PRRC2C: variants seen among roughly 807,000 people sequenced by gnomAD.
PRRC2C encodes the protein proline rich coiled-coil 2C.
A neutral mutation model predicts 317.2 loss-of-function variants in PRRC2C; 72 were observed. The ratio of observed to expected loss-of-function variants is 0.23; its 90% CI spans 0.19 to 0.28. The LOEUF (loss-of-function observed/expected upper bound fraction) is 0.28, where lower values mean the gene tolerates loss of function less well. PRRC2C is among the 10% of genes least tolerant of loss of function. The pLI is 1.00. For synonymous variants in PRRC2C, 1,296 were observed against 1,205.9 expected, an observed-to-expected ratio of 1.07 and a Z score of -1.55; for missense variants, 3,074 against 3,459.7, an observed-to-expected ratio of 0.89 and a Z score of 2.80.
At chr1:171,564,389 T>C (rs938371245) in intron 20 of PRRC2C, among the ~76,000 whole-genome samples, 2 of 152,224 alleles carry the variant, frequency 1.3e-5, no homozygotes, top group African/African-American at 4.8e-5. Context: ...CATTTAAATA[T>C]GTACAAGTTC....
Position 171,537,279 on chromosome 1 carries a change from A to G in PRRC2C, c.2310A>G (p.Lys770=), listed in dbSNP as rs1203740170. 1 of 1,594,482 alleles carries G rather than the reference A, an allele frequency of 6.3e-7. No homozygotes were observed. Among genetic ancestry groups the G allele is most frequent in the South Asian group, 1.1e-5 (1 of 87,606 alleles). The change falls in exon 15 of 35, where the codon AAA becomes AAG. Residue 770 remains lysine (K), a synonymous_variant. Coordinates refer to ENST00000647382, the MANE Select transcript of PRRC2C (RefSeq NM_001387844.1). Reference sequence around the variant, plus strand: ...TTGTTACAGGAATGATTCCTCCTAAACCATTAATGAGAAGAGACCAGATGG... The same window carrying G: ...TTGTTACAGGAATGATTCCTCCTAAGCCATTAATGAGAAGAGACCAGATGG... The part of the protein sequence containing the change: ...PPIHPGMIPP[K]PLMRRDQMEG...
intron 24 of PRRC2C, among the ~76,000 whole-genome samples, chr1:171,573,295 A>G (rs1685092443): frequency 6.6e-6 from 1 of 152,218 alleles, no homozygotes; most frequent in Admixed American, 6.5e-5. Context: ...GAATGGAATC[A>G]AGTCAAACTT....
intron 12 of PRRC2C, among the ~76,000 whole-genome samples, chr1:171,534,891 CAA>C (rs1336293419): frequency 5.9e-5 from 9 of 152,166 alleles, no homozygotes; most frequent in African/African-American, 2.2e-4. Flanking sequence ...GTAATTGTGA[CAA>C]ATGACATTCT....
intron 1 of PRRC2C, chr1:171,511,255 G>A (rs1571679342): frequency 2.0e-5 from 3 of 152,004 alleles, no homozygotes; most frequent in Non-Finnish European, 2.9e-5. Context: ...TTAAATTGAA[G>A]GGAAATAGCA....
Position 171,537,416 on chromosome 1 carries a change from A to G in PRRC2C, c.2447A>G (p.His816Arg). ...RMLWGSDPYPHAEPQQATTPK... is the reference protein window; with the variant it reads ...RMLWGSDPYPRAEPQQATTPK... ...CTGTGGGGGTCAGATCCCTATCCTC[A>G]TGCTGAGCCTCAACAAGCAACTACT... Residue 816 changes from histidine to arginine, a missense_variant, in exon 15 of 35, where the codon CAT (histidine) becomes CGT (arginine). This residue lies in a region of PRRC2C where 1,320 missense variants were observed against 1,395.7 expected (regional missense o/e 0.95). Transcript: ENST00000647382. 1 of 1,588,902 alleles carries G rather than the reference A, an allele frequency of 6.3e-7. No homozygotes were observed. The highest frequency in any genetic ancestry group is 8.6e-7 in the Non-Finnish European group (1 of 1,166,710).
intron 5 of PRRC2C, among the ~76,000 whole-genome samples, chr1:171,516,792 G>A (rs915180680): frequency 6.6e-6 from 1 of 152,156 alleles, no homozygotes; most frequent in African/African-American, 2.4e-5. Context: ...CAAACTGACT[G>A]GTGTAGCTCT....
intron 1 of PRRC2C, among the ~76,000 whole-genome samples, chr1:171,498,972 C>G (rs1164291079): frequency 1.3e-5 from 2 of 152,112 alleles, no homozygotes; most frequent in Non-Finnish European, 2.9e-5. Context: ...CATACCTGGC[C>G]AATTGTTCAT....
intron 22 of PRRC2C, among the ~76,000 whole-genome samples, chr1:171,567,432 A>G (rs1399636816): frequency 6.6e-6 from 1 of 152,244 alleles, no homozygotes; most frequent in African/African-American, 2.4e-5. Flanking sequence ...ACTCTGGGAC[A>G]TAAACTCTGA....
intron 22 of PRRC2C, among the ~76,000 whole-genome samples, chr1:171,567,626 G>A (rs1303110902): frequency 1.3e-5 from 2 of 152,112 alleles, no homozygotes; most frequent in Admixed American, 6.5e-5. Flanking sequence ...TAAGATCTTG[G>A]TAATTGATAG....
intron 4 of PRRC2C, 151 bp from the exon 5 acceptor site, chr1:171,515,583 G>T: frequency 1.6e-6 from 1 of 619,840 alleles, no homozygotes; most frequent in South Asian, 3.3e-5. Flanking sequence ...AGGAGTCTAG[G>T]TGAATTTTAA....
At position 171,532,370 on chromosome 1, in the gene PRRC2C, C is replaced by T. The variant is rs1386678705; in HGVS notation, c.1282C>T (p.Pro428Ser). The T allele has an allele frequency of 3.7e-6, 6 of 1,613,520 alleles. No individual in the cohort carries two copies. In the Middle Eastern group the frequency reaches 6.6e-4, roughly 178 times the overall value. The change falls in exon 12 of 35, where the codon CCT becomes TCT. Residue 428 changes from proline to serine, a missense_variant. By Grantham distance (74) the Pro-to-Ser change is moderately conservative. Coordinates refer to ENST00000647382, the MANE Select transcript of PRRC2C (RefSeq NM_001387844.1). ...TCCACCTCCAGATCGACAGGCAGTA[C>T]CTGGAAGACCAGGCCCCTTTCCCTC... ...QHPPPDRQAV[P>S]GRPGPFPSKQ...
At chr1:171,493,301 C>T (rs1179647653) in intron 1 of PRRC2C, among the ~76,000 whole-genome samples, 1 of 152,144 alleles carries the variant, frequency 6.6e-6, no homozygotes, top group Non-Finnish European at 1.5e-5. Context: ...ACTTCTCTTT[C>T]ACTCTCATAA....
chr1:171,492,565 A>T (rs1381024503), intron 1 of PRRC2C, among the ~76,000 whole-genome samples: 1 of 151,750 alleles, frequency 6.6e-6, no homozygotes, highest in African/African-American at 2.4e-5. Flanking sequence ...GTGTCCTGGG[A>T]GTGGGGGACT....
Position 171,540,510 on chromosome 1 carries a change from C to T in PRRC2C, c.3044C>T (p.Ser1015Leu). 1 of 1,613,214 alleles carries T rather than the reference C, an allele frequency of 6.2e-7. No individual in the cohort carries two copies. The highest frequency in any genetic ancestry group is 1.3e-5 in the African/African-American group (1 of 74,838). Reference protein sequence around the residue: ...EEVNDRPVRRSGPIKKPVLRD... With the variant: ...EEVNDRPVRRLGPIKKPVLRD... ...GTTAATGATAGACCTGTGAGAAGAT[C>T]AGGTCCCATTAAAAAACCTGTACTT... The change falls in exon 16 of 35, where the codon TCA becomes TTA. Residue 1015 changes from serine to leucine, a missense_variant. Coordinates refer to ENST00000647382, the MANE Select transcript of PRRC2C (RefSeq NM_001387844.1).
At chr1:171,486,871 A>G (rs1012509492) in intron 1 of PRRC2C, among the ~76,000 whole-genome samples, 2 of 152,136 alleles carry the variant, frequency 1.3e-5, no homozygotes, top group Non-Finnish European at 2.9e-5. Flanking sequence ...CACCTCCCAT[A>G]TTGGTAATTA....
At chr1:171,508,246 T>G (rs1029575845) in intron 1 of PRRC2C, among the ~76,000 whole-genome samples, 6 of 152,226 alleles carry the variant, frequency 3.9e-5, no homozygotes, top group African/African-American at 1.2e-4. Flanking sequence ...GCCTTCAGGT[T>G]TTTCCCATTG....
chr1:171,586,885 C>T lies in PRRC2C; in HGVS notation c.7750-118C>T, dbSNP rs529749926. On this transcript the variant is annotated intron_variant, in intron 30 of 34. Coordinates refer to ENST00000647382, the MANE Select transcript of PRRC2C (RefSeq NM_001387844.1). ...ACAGGCATGAGCCACTGCACCTGGC[C>T]GATGTGTTCTGTTTGAAATCTTACT... 1.1e-4 allele frequency: 90 copies of T among 824,476 alleles called. 1 individual carries two copies. The highest frequency in any genetic ancestry group is 8.9e-4 in the Middle Eastern group (3 of 3,382). The allele number at this position is 824,476 out of a possible 1,614,324, so 51.1% of individuals were successfully genotyped here.
Position 171,566,900 on chromosome 1 carries a change from C to T in PRRC2C, c.6558+57C>T, listed in dbSNP as rs139493129. The stretch of plus-strand genomic sequence containing the variant: ...AGATGCAAGCCATGTCTAAAATGAA[C>T]GAGAAGAACAGCAACAGTCTGCTTT... On this transcript the variant is annotated intron_variant, in intron 22 of 34. Coordinates refer to ENST00000647382, the MANE Select transcript of PRRC2C (RefSeq NM_001387844.1). 8.0e-4 allele frequency: 1,213 copies of T among 1,525,182 alleles called. 2 individuals carry two copies. The African/African-American group carries it at 0.014, about 17-fold the overall frequency. The allele number at this position is 1,525,182 out of a possible 1,614,324, so 94.5% of individuals were successfully genotyped here.
At chr1:171,535,046 G>A (rs12137832) in intron 12 of PRRC2C, among the ~76,000 whole-genome samples, 23,999 of 151,812 alleles carry the variant, frequency 0.16, 1,955 homozygotes, top group Middle Eastern at 0.29. Flanking sequence ...GTATTTATAG[G>A]CCATTTGTGT....
Sources: allele counts gnomAD v4.1 joint callset (sites outside exome capture counted in the v4.1 genomes callset), GRCh38; gene constraint gnomAD v4.1.1; regional missense constraint gnomAD v4.1.1; transcripts MANE v1.5; gene names NCBI Gene and HGNC (gene_info 2026-07-23, HGNC 2026-07-21).